The following SEMA5A variants were observed in gnomAD, a reference collection of about 807,000 sequenced individuals.
SEMA5A encodes the protein semaphorin 5A.
A neutral mutation model predicts 135.5 loss-of-function variants in SEMA5A; 55 were observed. The observed-to-expected ratio is 0.41, with a 90% CI of 0.33 to 0.51. SEMA5A has a LOEUF of 0.51. Among genes scored for constraint, SEMA5A ranks in the 20% least tolerant of loss-of-function variants. SEMA5A has a pLI of 0.37. For missense variants in SEMA5A, 1,290 were observed against 1,419.9 expected (o/e 0.91, Z 1.47); for synonymous variants, 580 against 546.5 (o/e 1.06, Z -0.85).
At chr5:9,201,737 T>C (rs1418201265) in intron 9 of SEMA5A, among the ~76,000 whole-genome samples, 1 of 152,202 alleles carries the variant, frequency 6.6e-6, no homozygotes, top group Non-Finnish European at 1.5e-5. Flanking sequence ...GACAAAAACT[T>C]TCTTGATTTG....
At chr5:9,179,540 G>C (rs942095478) in intron 11 of SEMA5A, among the ~76,000 whole-genome samples, 1 of 152,142 alleles carries the variant, frequency 6.6e-6, no homozygotes, top group East Asian at 1.9e-4. Flanking sequence ...TTGTGGTTGG[G>C]AGACCAGGCA....
At chr5:9,428,474 A>G (rs1292607153) in intron 2 of SEMA5A, among the ~76,000 whole-genome samples, 2 of 152,214 alleles carry the variant, frequency 1.3e-5, no homozygotes, top group South Asian at 4.1e-4. Flanking sequence ...CCTACAGTGC[A>G]GGAAAGCAGC....
chr5:9,508,031 G>GA (rs1735997921), intron 1 of SEMA5A, among the ~76,000 whole-genome samples: 2 of 151,184 alleles, frequency 1.3e-5, no homozygotes, highest in Admixed American at 1.3e-4. Context: ...AAGAAAAAAA[G>GA]AAAAAACTTC....
intron 16 of SEMA5A, among the ~76,000 whole-genome samples, chr5:9,100,917 C>T (rs1739593819): frequency 6.6e-6 from 1 of 152,008 alleles, no homozygotes; most frequent in African/African-American, 2.4e-5. Flanking sequence ...TTCTGCAGTG[C>T]ACAACCTGCA....
At chr5:9,422,091 C>T (rs1418798856) in intron 2 of SEMA5A, among the ~76,000 whole-genome samples, 1 of 152,154 alleles carries the variant, frequency 6.6e-6, no homozygotes, top group Non-Finnish European at 1.5e-5. Flanking sequence ...ATAAAACATC[C>T]AGTGAAAGAG....
At chr5:9,489,675 T>C (rs1165746231) in intron 1 of SEMA5A, among the ~76,000 whole-genome samples, 2 of 152,134 alleles carry the variant, frequency 1.3e-5, no homozygotes, top group Non-Finnish European at 2.9e-5. Flanking sequence ...GAAACAAAAG[T>C]GTTTTTGAAA....
intron 19 of SEMA5A, among the ~76,000 whole-genome samples, chr5:9,052,639 T>G (rs912779257): frequency 1.3e-5 from 2 of 152,148 alleles, no homozygotes; most frequent in Admixed American, 6.6e-5. Flanking sequence ...TCGTGTTTGC[T>G]GTCTCTGAAG....
intron 18 of SEMA5A, among the ~76,000 whole-genome samples, chr5:9,058,457 G>A (rs1302529398): frequency 6.6e-6 from 1 of 152,186 alleles, no homozygotes; most frequent in Admixed American, 6.5e-5. Flanking sequence ...TGGTTCATGG[G>A]AAGATCAGAC....
intron 1 of SEMA5A, among the ~76,000 whole-genome samples, chr5:9,507,432 A>G (rs1280058617): frequency 6.6e-6 from 1 of 152,182 alleles, no homozygotes; most frequent in Non-Finnish European, 1.5e-5. Flanking sequence ...CACCTTCTTC[A>G]GGAATAAATT....
intron 2 of SEMA5A, among the ~76,000 whole-genome samples, chr5:9,403,474 C>A (rs1006999610): frequency 1.3e-5 from 2 of 152,088 alleles, no homozygotes; most frequent in Non-Finnish European, 2.9e-5. Context: ...TGACTTTGGG[C>A]GAGTTATTTC....
intron 15 of SEMA5A, among the ~76,000 whole-genome samples, chr5:9,108,981 T>A (rs569022707): frequency 2.0e-5 from 3 of 150,950 alleles, no homozygotes; most frequent in African/African-American, 7.3e-5. Flanking sequence ...CAGCCAAATA[T>A]CCAAAGCCTC....
chr5:9,228,173 A>G (rs1747423280), intron 6 of SEMA5A, among the ~76,000 whole-genome samples: 1 of 152,192 alleles, frequency 6.6e-6, no homozygotes, highest in East Asian at 1.9e-4. Context: ...ATGCACTGTA[A>G]TGAGGACACA....
chr5:9,318,743 T>C (rs994779789), intron 4 of SEMA5A, among the ~76,000 whole-genome samples: 1 of 152,242 alleles, frequency 6.6e-6, no homozygotes, highest in Non-Finnish European at 1.5e-5. Flanking sequence ...TCTGAAACTC[T>C]TTTACTTAAG....
In SEMA5A at chr5:9,228,740, G is replaced by A. The variant is rs574431876; in HGVS notation, c.334-1773C>T. Among the ~76,000 whole-genome samples the A allele has an allele frequency of 3.9e-5, 6 of 152,316 alleles. No homozygotes were observed. The East Asian group carries it at 5.8e-4, about 15-fold the overall frequency. ...AGCCAGAATAGTGAGTCAATTGCAC[G>A]CCATGGCGAATGAATGACGCACGAG... is the stretch of plus-strand genomic sequence containing the variant. On this transcript the variant is annotated intron_variant, in intron 6 of 22. Coordinates refer to ENST00000382496, the MANE Select transcript of SEMA5A (RefSeq NM_003966.3).
At chr5:9,060,948 C>T (rs932839478) in intron 18 of SEMA5A, among the ~76,000 whole-genome samples, 8 of 151,876 alleles carry the variant, frequency 5.3e-5, no homozygotes, top group African/African-American at 1.9e-4. Flanking sequence ...TTGTATCCAA[C>T]TCCAGAATGA....
At chr5:9,520,985 G>A (rs995106255) in intron 1 of SEMA5A, among the ~76,000 whole-genome samples, 13 of 152,230 alleles carry the variant, frequency 8.5e-5, no homozygotes, top group Admixed American at 8.5e-4. Flanking sequence ...TGATGCATCA[G>A]TGTCGCACAT....
rs773789880 is a variant in SEMA5A at position 9,197,254 on chromosome 5, C to T, written c.982G>A (p.Ala328Thr). The T allele has an allele frequency of 2.5e-6, 4 of 1,614,164 alleles. No individual in the cohort carries two copies. The highest frequency in any genetic ancestry group is 1.7e-5 in the Admixed American group (1 of 60,022). The change falls in exon 10 of 23, where the codon GCG becomes ACG. Residue 328 changes from alanine (A) to threonine (T), a missense_variant. Ala to Thr is a moderately conservative substitution (Grantham distance 58). Transcript: ENST00000382496. ...TTGAAGGGCCCAGAGAAGGCCTGCG[C>T]GATGGCGCTCAGGTTGAAGACGCAC... ...AVCVFNLSAI[A>T]QAFSGPFKYQ...
intron 1 of SEMA5A, among the ~76,000 whole-genome samples, chr5:9,476,131 C>G (rs1263904321): frequency 6.6e-6 from 1 of 152,174 alleles, no homozygotes; most frequent in Non-Finnish European, 1.5e-5. Flanking sequence ...CCGTACATTA[C>G]TCTGTGCTTT....
At chr5:9,521,884 A>T (rs921138050) in intron 1 of SEMA5A, among the ~76,000 whole-genome samples, 1 of 152,180 alleles carries the variant, frequency 6.6e-6, no homozygotes, top group African/African-American at 2.4e-5. Flanking sequence ...GAGGAGGGGC[A>T]GAGAGGACAG....
Sources: allele counts gnomAD v4.1 joint callset (sites outside exome capture counted in the v4.1 genomes callset), GRCh38; gene constraint gnomAD v4.1.1; transcripts MANE v1.5; gene names NCBI Gene and HGNC (gene_info 2026-07-23, HGNC 2026-07-21).